The following RAP1GAP variants were observed in gnomAD, a reference collection of about 807,000 sequenced individuals.
RAP1GAP encodes rap1 GTPase-activating protein 1.
A neutral mutation model predicts 87.2 loss-of-function variants in RAP1GAP; 35 were observed. The observed-to-expected ratio is 0.40, with a 90% CI of 0.31 to 0.53. RAP1GAP has a LOEUF of 0.53. Among genes scored for constraint, RAP1GAP ranks in the 20% least tolerant of loss-of-function variants. The pLI, the probability that RAP1GAP is intolerant of heterozygous loss-of-function variation, is 0.48. For missense variants in RAP1GAP, 734 were observed against 898.9 expected, an observed-to-expected ratio of 0.82 and a Z score of 2.35; for synonymous variants, 375 against 363.9, an observed-to-expected ratio of 1.03 and a Z score of -0.35.
Position 21,599,575 on chromosome 1 carries a change from G to C in RAP1GAP, c.1695C>G (p.Phe565Leu). 1 of 1,608,770 alleles carries C rather than the reference G, an allele frequency of 6.2e-7. No individual in the cohort carries two copies. Among genetic ancestry groups the C allele is most frequent in the Non-Finnish European group, 8.5e-7 (1 of 1,179,970 alleles). ...AAQRAEALKD[F>L]SRSSSSASSF... ...TGCTGGCACTGGACGAGGAGCGGGA[G>C]AAGTCCTTGAGCGCCTCTGCTCTCT... The change falls in exon 21 of 25, where the codon TTC (phenylalanine) becomes TTG (leucine). Residue 565 changes from phenylalanine (F) to leucine (L), a missense_variant. This residue lies in a region of RAP1GAP where 249 missense variants were observed against 252.7 expected (regional missense o/e 0.99). Coordinates refer to ENST00000374765, the MANE Select transcript of RAP1GAP (RefSeq NM_002885.4).
In RAP1GAP at chr1:21,603,028, A is replaced by T; in HGVS notation, c.1429-115T>A. The T allele has an allele frequency of 1.4e-6, 1 of 698,556 alleles. No homozygotes were observed. Among genetic ancestry groups the T allele is most frequent in the South Asian group, 1.9e-5 (1 of 53,476 alleles). The allele number at this position is 698,556 out of a possible 1,614,324, so 43.3% of individuals were successfully genotyped here. On this transcript the variant is annotated intron_variant, in intron 18 of 24. Coordinates refer to ENST00000374765, the MANE Select transcript of RAP1GAP (RefSeq NM_002885.4). The surrounding 1 kb of genome is among the most constrained non-coding windows in gnomAD (Gnocchi z 6.0). Reference sequence around the variant, plus strand: ...CCCTGAAGCAGAGTTGATGAGCAAGAAAGAACGAGAGAAGATATCCATTCC... The same window carrying T: ...CCCTGAAGCAGAGTTGATGAGCAAGTAAGAACGAGAGAAGATATCCATTCC...
At position 21,614,075 on chromosome 1, in the gene RAP1GAP, G is replaced by A. The variant is rs1466239214; in HGVS notation, c.306C>T (p.Tyr102=). Residue 102 remains tyrosine, a synonymous_variant, in exon 8 of 25, where the codon TAC becomes TAT. Coordinates refer to ENST00000374765, the MANE Select transcript of RAP1GAP (RefSeq NM_002885.4). ...GGCCGAGGGCAGCGTCCAGTGAGTA[G>A]TAATTGAAATGCTCCTGCAGTGGGA... ...KHFLGKEHFN[Y]YSLDAALGHL... is the part of the protein sequence containing the mutation. 6.2e-7 allele frequency: 1 copy of A among 1,604,814 alleles called. No homozygotes were observed.
chr1:21,617,906 G>T (rs1207698870), intron 6 of RAP1GAP, 28 bp downstream of exon 6: 1 of 1,614,138 alleles, frequency 6.2e-7, no homozygotes, highest in Non-Finnish European at 8.5e-7. Context: ...GCTTGAGTAA[G>T]GGTGGGCGCG....
At chr1:21,660,309 G>C (rs186198593) in intron 1 of RAP1GAP, among the ~76,000 whole-genome samples, 2 of 79,472 alleles carry the variant, frequency 2.5e-5, no homozygotes, top group Admixed American at 1.6e-4. Flanking sequence ...ACAGGCTCAA[G>C]AGGGCTGGAC....
chr1:21,607,319 T>C (rs2075321572), intron 17 of RAP1GAP, among the ~76,000 whole-genome samples: 1 of 152,192 alleles, frequency 6.6e-6, no homozygotes, highest in African/African-American at 2.4e-5. Context: ...AAACTTGTAT[T>C]GCACTAACCT....
At chr1:21,655,504 C>CT (rs2096825660) in intron 1 of RAP1GAP, among the ~76,000 whole-genome samples, 1 of 152,252 alleles carries the variant, frequency 6.6e-6, no homozygotes, top group Admixed American at 6.5e-5. Context: ...CACTGGCCCA[C>CT]TGTGACAGGG....
At chr1:21,597,833 C>A (rs1646012793) in intron 23 of RAP1GAP, 105 bp from the exon 24 acceptor site, 2 of 1,533,730 alleles carry the variant, frequency 1.3e-6, no homozygotes, top group East Asian at 4.5e-5. Context: ...CCGGGCAAGC[C>A]CCACCCCTCC....
rs768268465 is a variant in RAP1GAP, at chr1:21,601,793, T to A, written c.1543A>T (p.Ser515Cys). 5.0e-6 allele frequency: 8 copies of A among 1,603,344 alleles called. No homozygotes were observed. Among genetic ancestry groups the A allele is most frequent in the Admixed American group, 1.7e-5 (1 of 59,182 alleles). The change falls in exon 20 of 25, where the codon AGC becomes TGC. Residue 515 changes from serine to cysteine, a missense_variant. Around this residue, in one of 2 missense-constraint regions of RAP1GAP, gnomAD observed 249 missense variants for 252.7 expected, o/e 0.99. Coordinates refer to ENST00000374765, the MANE Select transcript of RAP1GAP (RefSeq NM_002885.4). ...NIQEVQEKRE[S>C]PPAGQKTPDS... is the part of the protein sequence containing the mutation. ...GGGGTCTTCTGACCAGCCGGAGGGC[T>A]CTCCCTGCGGGGCACACGGGGGCAG...
intron 22 of RAP1GAP, 130 bp downstream of exon 22, chr1:21,598,270 C>A (rs1336457150): frequency 1.1e-6 from 1 of 909,704 alleles, no homozygotes; most frequent in Non-Finnish European, 1.7e-6. Context: ...AATGACCTGC[C>A]CGCTGTCCTC....
intron 5 of RAP1GAP, among the ~76,000 whole-genome samples, chr1:21,618,335 C>G (rs1033173860): frequency 6.6e-6 from 1 of 152,152 alleles, no homozygotes; most frequent in Non-Finnish European, 1.5e-5. Flanking sequence ...AGGGCCTCTG[C>G]CCCAAAGAGA....
intron 2 of RAP1GAP, among the ~76,000 whole-genome samples, chr1:21,630,479 C>T (rs139948106): frequency 4.0e-4 from 61 of 152,098 alleles, no homozygotes; most frequent in African/African-American, 1.4e-3. Context: ...TGGTCTGGAA[C>T]TTCCGGGCTC....
chr1:21,614,236 A>T, intron 7 of RAP1GAP, 147 bp from the exon 8 acceptor site: 1 of 593,400 alleles, frequency 1.7e-6, no homozygotes. Flanking sequence ...CATCAGACAG[A>T]CCTGCACTCA....
At chr1:21,607,863 C>T (rs937000422) in intron 17 of RAP1GAP, among the ~76,000 whole-genome samples, 1 of 152,104 alleles carries the variant, frequency 6.6e-6, no homozygotes, top group East Asian at 1.9e-4. Flanking sequence ...CTAGCCACAC[C>T]CCCACGCCAT....
At chr1:21,651,856 G>T (rs916191221) in intron 1 of RAP1GAP, 11 of 1,088,226 alleles carry the variant, frequency 1.0e-5, no homozygotes, top group South Asian at 4.3e-5. Context: ...CGGCCCGCGC[G>T]AGCCGGAGCC....
chr1:21,607,830 C>T (rs1221559455), intron 17 of RAP1GAP, among the ~76,000 whole-genome samples: 1 of 152,120 alleles, frequency 6.6e-6, no homozygotes, highest in African/African-American at 2.4e-5. Context: ...GAGCCCCGCC[C>T]TCATCCCAGA....
At chr1:21,627,882 A>T (rs2092724780) in intron 2 of RAP1GAP, among the ~76,000 whole-genome samples, 1 of 152,138 alleles carries the variant, frequency 6.6e-6, no homozygotes, top group African/African-American at 2.4e-5. Flanking sequence ...AAAAGGACAG[A>T]TATGGTGGCA....
Position 21,656,447 on chromosome 1 carries a change from A to AC in RAP1GAP, c.-148-6652_-148-6651insG, listed in dbSNP as rs1250938864. 3.8e-3 allele frequency among the ~76,000 whole-genome samples: 483 copies of AC among 125,804 alleles called. 45 individuals are homozygous for AC. The highest frequency in any genetic ancestry group is 9.5e-3 in the South Asian group (35 of 3,684). 82.5% of individuals were successfully genotyped at this position (125,804 alleles called of 152,430 possible). A position where few individuals can be genotyped will look rare whatever the true frequency, so the allele number is the denominator to read the frequency against. On this transcript the variant is annotated intron_variant, in intron 1 of 24. Coordinates refer to ENST00000374765, the MANE Select transcript of RAP1GAP (RefSeq NM_002885.4). Reference sequence around the variant, plus strand: ...AAAAAAAAAAAAAAAAAAAAAAAAAAAAAAAAAGACCTAACAACGGAAAGA... The same window carrying AC: ...AAAAAAAAAAAAAAAAAAAAAAAAAACAAAAAAAGACCTAACAACGGAAAGA...
intron 2 of RAP1GAP, among the ~76,000 whole-genome samples, chr1:21,646,181 CA>C (rs1328478003): frequency 6.6e-6 from 1 of 152,190 alleles, no homozygotes. Context: ...GGAAGTGCTC[CA>C]TATATGGGAG....
At chr1:21,608,417 C>A in intron 16 of RAP1GAP, 67 bp from the exon 17 acceptor site, 8 of 1,562,472 alleles carry the variant, frequency 5.1e-6, no homozygotes, top group Non-Finnish European at 6.9e-6. Context: ...CAGTTCAAAT[C>A]CTGGCCACCT....
Sources: allele counts gnomAD v4.1 joint callset (sites outside exome capture counted in the v4.1 genomes callset), GRCh38; gene constraint gnomAD v4.1.1; regional missense constraint gnomAD v4.1.1; non-coding constraint Gnocchi (gnomAD v3.1); transcripts MANE v1.5; gene names NCBI Gene and HGNC (gene_info 2026-07-23, HGNC 2026-07-21).